Variants in EPHA10 observed in about 807,000 individuals in gnomAD.
EPHA10 encodes the protein EPH receptor A10.
Under a neutral mutation model 109.7 loss-of-function variants are expected in EPHA10, and 120 were observed. The observed-to-expected ratio is 1.09, with a 90% CI of 0.94 to 1.27. EPHA10 has a LOEUF of 1.27. Among genes scored for constraint, EPHA10 ranks in the 50% most tolerant of loss-of-function variants. The probability of loss-of-function intolerance (pLI) is 0.00; values close to 1 mark genes in which losing one functional copy is unlikely to be tolerated. For synonymous variants in EPHA10, 640 were observed against 618.9 expected, an observed-to-expected ratio of 1.03 and a Z score of -0.51; for missense variants, 1,396 against 1,411.1, an observed-to-expected ratio of 0.99 and a Z score of 0.17.
rs1645696691 is a variant in EPHA10 at position 37,716,735 on chromosome 1, G to A, written c.*1637C>T. On this transcript the variant is annotated 3_prime_UTR_variant, in exon 17 of 17. Transcript: ENST00000373048. The stretch of plus-strand genomic sequence containing the variant: ...CATGGACTCCTTTTGTCCGAGGCCT[G>A]CCATCTTGCCTGCCGAAAACTCCAC... The A allele has an allele frequency of 8.6e-6, 2 of 232,872 alleles. No homozygotes were observed. Among genetic ancestry groups the A allele is most frequent in the Non-Finnish European group, 1.7e-5 (2 of 117,846 alleles). 14.4% of individuals were successfully genotyped at this position (232,872 alleles called of 1,614,324 possible). A position where few individuals can be genotyped will look rare whatever the true frequency, so the allele number is the denominator to read the frequency against.
At chr1:37,758,982 C>T (rs1646411588) in intron 3 of EPHA10, among the ~76,000 whole-genome samples, 1 of 152,208 alleles carries the variant, frequency 6.6e-6, no homozygotes, top group African/African-American at 2.4e-5. Flanking sequence ...GCTGTGGATG[C>T]TAACTCATGA....
intron 5 of EPHA10, among the ~76,000 whole-genome samples, chr1:37,752,297 C>G (rs977028277): frequency 6.6e-6 from 1 of 152,136 alleles, no homozygotes; most frequent in African/African-American, 2.4e-5. Context: ...CCCCTACAGC[C>G]TAACTCTACA....
intron 5 of EPHA10, among the ~76,000 whole-genome samples, chr1:37,737,791 G>A (rs939760470): frequency 1.2e-4 from 18 of 152,032 alleles, no homozygotes; most frequent in African/African-American, 4.3e-4. Flanking sequence ...ACTTCTGCAG[G>A]GCAAAGGCAA....
chr1:37,755,328 G>GCACACA (rs10623323), intron 3 of EPHA10, among the ~76,000 whole-genome samples: 1 of 147,512 alleles, frequency 6.8e-6, no homozygotes, highest in African/African-American at 2.5e-5. Flanking sequence ...AAGCATACAT[G>GCACACA]CACACACACA....
downstream of EPHA10, chr1:37,714,963 A>C (rs576002034): frequency 6.6e-6 from 1 of 152,204 alleles, no homozygotes; most frequent in African/African-American, 2.4e-5. Context: ...AAATGAATAC[A>C]CTCACTGATA....
At chr1:37,747,388 C>CA (rs1013419470) in intron 5 of EPHA10, among the ~76,000 whole-genome samples, 4 of 151,740 alleles carry the variant, frequency 2.6e-5, no homozygotes, top group African/African-American at 7.3e-5. Flanking sequence ...CCCATCTCTA[C>CA]AAAAAACACA....
rs993910099 is a variant in EPHA10, at chr1:37,717,609, C to G, written c.*763G>C. On this transcript the variant is annotated 3_prime_UTR_variant, in exon 17 of 17. Transcript: ENST00000373048. ...ATGCTTTTCCCAGATGTCCTGGCCACTAAGTTCATAAAAGGAATGCACACG... is the reference window on the plus strand; with the variant it reads ...ATGCTTTTCCCAGATGTCCTGGCCAGTAAGTTCATAAAAGGAATGCACACG... 43 of 231,718 alleles carry G rather than the reference C, an allele frequency of 1.9e-4. No homozygotes were observed. The highest frequency in any genetic ancestry group is 9.3e-4 in the African/African-American group (42 of 45,328). 14.4% of individuals were successfully genotyped at this position (231,718 alleles called of 1,614,324 possible). A position where few individuals can be genotyped will look rare whatever the true frequency, so the allele number is the denominator to read the frequency against.
chr1:37,745,265 C>G (rs1170753927), intron 5 of EPHA10, among the ~76,000 whole-genome samples: 1 of 151,992 alleles, frequency 6.6e-6, no homozygotes, highest in Non-Finnish European at 1.5e-5. Flanking sequence ...AAAAGAAAAC[C>G]CTGCACAGGA....
intron 5 of EPHA10, among the ~76,000 whole-genome samples, chr1:37,742,153 G>A (rs483201): frequency 3.9e-5 from 6 of 152,130 alleles, no homozygotes; most frequent in African/African-American, 1.2e-4. Context: ...ACCAAGCACC[G>A]GCTCTCCAGC....
At chr1:37,747,849 G>T (rs533380433) in intron 5 of EPHA10, among the ~76,000 whole-genome samples, 6 of 152,222 alleles carry the variant, frequency 3.9e-5, no homozygotes, top group Admixed American at 2.0e-4. Context: ...AGCTGATTCT[G>T]TGTCATAACC....
At position 37,753,133 on chromosome 1, in the gene EPHA10, C is replaced by T. The variant is rs1351419598; in HGVS notation, c.1100G>A (p.Gly367Asp). 2 of 1,406,212 alleles carry T rather than the reference C, an allele frequency of 1.4e-6. No individual in the cohort carries two copies. Among genetic ancestry groups the T allele is most frequent in the Non-Finnish European group, 1.9e-6 (2 of 1,079,614 alleles). The allele number at this position is 1,406,212 out of a possible 1,614,324, so 87.1% of individuals were successfully genotyped here. Residue 367 changes from glycine (G) to aspartate (D), a missense_variant, in exon 5 of 17, where the codon GGC (glycine) becomes GAC (aspartate). Coordinates refer to ENST00000373048, the MANE Select transcript of EPHA10 (RefSeq NM_001099439.2). ...LRWLPPADSGGRSDVTYSLLC... is the reference protein window; with the variant it reads ...LRWLPPADSGDRSDVTYSLLC... ...CAGCGAGTAGGTGACGTCCGAGCGG[C>T]CTCCCGAGTCGGCCGGCGGCAGCCA...
intron 5 of EPHA10, among the ~76,000 whole-genome samples, chr1:37,740,198 C>T (rs1042010589): frequency 6.6e-6 from 1 of 152,014 alleles, no homozygotes; most frequent in African/African-American, 2.4e-5. Context: ...GTGTTTTTTA[C>T]AGTAAAAAAA....
At chr1:37,725,801 G>A (rs955369427) in intron 8 of EPHA10, among the ~76,000 whole-genome samples, 1 of 152,138 alleles carries the variant, frequency 6.6e-6, no homozygotes, top group Non-Finnish European at 1.5e-5. Flanking sequence ...TGGACCACAC[G>A]GTCTGGTGAG....
rs553300028 is a variant in EPHA10 at position 37,724,840 on chromosome 1, G to A, written c.1773-1468C>T. Among the ~76,000 whole-genome samples the A allele has an allele frequency of 3.3e-5, 5 of 152,288 alleles. 1 individual carries two copies. The South Asian group carries it at 1.0e-3, about 32-fold the overall frequency. On this transcript the variant is annotated intron_variant, in intron 8 of 16. Coordinates refer to ENST00000373048, the MANE Select transcript of EPHA10 (RefSeq NM_001099439.2). ...CCGCTCGGTAGCTGTGGGACTGGGTGGCTCCATTTTCTCTTTAATAAAATC... is the reference window on the plus strand; with the variant it reads ...CCGCTCGGTAGCTGTGGGACTGGGTAGCTCCATTTTCTCTTTAATAAAATC...
At chr1:37,758,485 C>T (rs1178039561) in intron 3 of EPHA10, among the ~76,000 whole-genome samples, 1 of 152,198 alleles carries the variant, frequency 6.6e-6, no homozygotes, top group Non-Finnish European at 1.5e-5. Context: ...CAATTGCTCT[C>T]ACCAAGGCCA....
chr1:37,736,498 A>AG (rs1328804737), intron 5 of EPHA10, among the ~76,000 whole-genome samples: 1 of 144,432 alleles, frequency 6.9e-6, no homozygotes, highest in East Asian at 2.0e-4. Context: ...AAAAAAAAAA[A>AG]AGAGATTGAG....
intron 12 of EPHA10, 58 bp downstream of exon 12, chr1:37,720,725 G>A: frequency 6.3e-7 from 1 of 1,597,958 alleles, no homozygotes; most frequent in East Asian, 2.2e-5. Context: ...AGAAAAGTGA[G>A]GGACCCCTGC....
intron 8 of EPHA10, among the ~76,000 whole-genome samples, chr1:37,725,866 T>C (rs7541350): frequency 0.094 from 14,325 of 152,098 alleles, 720 homozygotes; most frequent in Middle Eastern, 0.17. Flanking sequence ...TGAGGGACCA[T>C]GGCGCAGAGC....
At chr1:37,721,908 TG>T in intron 10 of EPHA10, 63 bp from the exon 11 acceptor site, 3 of 1,411,190 alleles carry the variant, frequency 2.1e-6, no homozygotes, top group Non-Finnish European at 2.8e-6. Context: ...CTGGGCAGGC[TG>T]AGCCGAGGAG....
Sources: gnomAD v4.1 joint callset for allele counts (sites outside exome capture counted in the v4.1 genomes callset) on GRCh38, gnomAD v4.1.1 for gene constraint, MANE v1.5 for transcripts, NCBI Gene and HGNC (gene_info 2026-07-23, HGNC 2026-07-21) for gene names.